Variants in LYPLAL1 observed in about 807,000 individuals in gnomAD.
LYPLAL1 encodes the protein lysophospholipase like 1.
A neutral mutation model predicts 19.7 loss-of-function variants in LYPLAL1; 23 were observed. That is an observed-to-expected ratio of 1.17 (90% CI 0.84 to 1.65). The LOEUF (loss-of-function observed/expected upper bound fraction) is 1.65. Among genes scored for constraint, LYPLAL1 ranks in the 40% most tolerant of loss-of-function variants. LYPLAL1 has a pLI of 0.00. For synonymous variants in LYPLAL1, 119 were observed against 96.3 expected (o/e 1.24, Z -1.38); for missense variants, 355 against 279.4 (o/e 1.27, Z -1.93).
the LYPLAL1 span, among the ~76,000 whole-genome samples, chr1:219,293,226 G>C: frequency 1.3e-5 from 2 of 151,834 alleles, no homozygotes; most frequent in African/African-American, 4.8e-5. Context: ...ACAGAGTTTT[G>C]ACATTTCTGG....
the LYPLAL1 span, among the ~76,000 whole-genome samples, chr1:219,392,349 G>A: frequency 6.6e-6 from 1 of 152,152 alleles, no homozygotes; most frequent in African/African-American, 2.4e-5. Context: ...TACTACAGTA[G>A]GCAAAATCCA....
the LYPLAL1 span, among the ~76,000 whole-genome samples, chr1:219,416,894 A>C: frequency 6.6e-6 from 1 of 152,236 alleles, no homozygotes; most frequent in East Asian, 1.9e-4. Flanking sequence ...CCAGAAAACA[A>C]GTCCTGCTGG....
the LYPLAL1 span, among the ~76,000 whole-genome samples, chr1:219,267,667 G>T: frequency 6.6e-6 from 1 of 152,134 alleles, no homozygotes; most frequent in South Asian, 2.1e-4. Flanking sequence ...CTAAATATTT[G>T]TTCCCATTTT....
chr1:219,323,029 G>A, the LYPLAL1 span, among the ~76,000 whole-genome samples: 8 of 152,276 alleles, frequency 5.3e-5, no homozygotes, highest in Non-Finnish European at 1.0e-4. Context: ...TCCAGTCCTT[G>A]TTTTGTTCAT....
At chr1:219,404,998 TA>T in the LYPLAL1 span, among the ~76,000 whole-genome samples, 1 of 152,232 alleles carries the variant, frequency 6.6e-6, no homozygotes, top group Non-Finnish European at 1.5e-5. Flanking sequence ...AAAAAATGCA[TA>T]GATAGTAACT....
At chr1:219,288,408 G>T in the LYPLAL1 span, among the ~76,000 whole-genome samples, 3 of 152,100 alleles carry the variant, frequency 2.0e-5, no homozygotes, top group Non-Finnish European at 2.9e-5. Context: ...TGACATTCTG[G>T]AAAAGGTAAA....
At chr1:219,284,866 T>A in the LYPLAL1 span, among the ~76,000 whole-genome samples, 5 of 152,166 alleles carry the variant, frequency 3.3e-5, no homozygotes, top group African/African-American at 9.7e-5. Context: ...GGTGAGACAA[T>A]GACAACAGAA....
At chr1:219,184,512 G>A (rs545866977) in intron 2 of LYPLAL1, among the ~76,000 whole-genome samples, 3 of 151,818 alleles carry the variant, frequency 2.0e-5, no homozygotes, top group Admixed American at 6.6e-5. Context: ...ATAGAAGTGA[G>A]TACTTCCTTC....
the LYPLAL1 span, among the ~76,000 whole-genome samples, chr1:219,269,862 G>A: frequency 1.3e-5 from 2 of 152,034 alleles, no homozygotes; most frequent in African/African-American, 4.8e-5. Flanking sequence ...GCCATTTTAC[G>A]TTGAAGAATG....
At chr1:219,413,630 C>T in the LYPLAL1 span, among the ~76,000 whole-genome samples, 1 of 152,184 alleles carries the variant, frequency 6.6e-6, no homozygotes, top group African/African-American at 2.4e-5. Flanking sequence ...AAGCAGCTGT[C>T]TGTTGTCATT....
At chr1:219,306,785 G>GATAC in the LYPLAL1 span, among the ~76,000 whole-genome samples, 14 of 147,910 alleles carry the variant, frequency 9.5e-5, no homozygotes, top group Admixed American at 2.7e-4. Flanking sequence ...TAGATAGATA[G>GATAC]ATACATAGAC....
chr1:219,410,496 C>A, the LYPLAL1 span, among the ~76,000 whole-genome samples: 1 of 152,226 alleles, frequency 6.6e-6, no homozygotes. Flanking sequence ...GCTGGCAGTC[C>A]TCAGAGCCCT....
the LYPLAL1 span, among the ~76,000 whole-genome samples, chr1:219,353,939 AT>A: frequency 2.0e-5 from 3 of 152,226 alleles, no homozygotes; most frequent in African/African-American, 7.2e-5. Flanking sequence ...ATAAAAAAAA[AT>A]CTCTGGAACT....
the LYPLAL1 span, among the ~76,000 whole-genome samples, chr1:219,297,157 T>A: frequency 1.3e-5 from 2 of 152,192 alleles, no homozygotes; most frequent in African/African-American, 4.8e-5. Context: ...GAGCTCACAA[T>A]TGGAAGCAAA....
At chr1:219,366,188 C>A in the LYPLAL1 span, among the ~76,000 whole-genome samples, 3 of 152,018 alleles carry the variant, frequency 2.0e-5, no homozygotes, top group Non-Finnish European at 4.4e-5. Context: ...CACTAACCTG[C>A]CCCAAGAAGA....
chr1:219,381,016 T>G, the LYPLAL1 span, among the ~76,000 whole-genome samples: 1 of 152,150 alleles, frequency 6.6e-6, no homozygotes, highest in Non-Finnish European at 1.5e-5. Context: ...CTGTAGAAGA[T>G]GAAGACATGA....
Position 219,210,659 on chromosome 1 carries a change from A to G in LYPLAL1, c.477+12A>G, listed in dbSNP as rs747287077. ...CTGCTGTTTACCAGGTAAGTTCCAGATTTAAAAAAAAATGAAAAAAATATG... is the reference window on the plus strand; with the variant it reads ...CTGCTGTTTACCAGGTAAGTTCCAGGTTTAAAAAAAAATGAAAAAAATATG... On this transcript the variant is annotated intron_variant, in intron 4 of 4. Transcript: ENST00000366928. 4 of 1,590,776 alleles carry G rather than the reference A, an allele frequency of 2.5e-6. No individual in the cohort carries two copies. The highest frequency in any genetic ancestry group is 2.7e-5 in the African/African-American group (2 of 73,248).
chr1:219,212,527 A>G lies in LYPLAL1; in HGVS notation c.*799A>G, dbSNP rs1301288907. 2.0e-5 allele frequency: 3 copies of G among 152,088 alleles called. No homozygotes were observed. The highest frequency in any genetic ancestry group is 4.8e-5 in the African/African-American group (2 of 41,434). The allele number at this position is 152,088 out of a possible 1,614,324, so 9.4% of individuals were successfully genotyped here. On this transcript the variant is annotated 3_prime_UTR_variant, in exon 5 of 5. Coordinates refer to ENST00000366928, the MANE Select transcript of LYPLAL1 (RefSeq NM_138794.5). The stretch of plus-strand genomic sequence containing the variant: ...ATGACTGAAAAATTGTATTACTTCA[A>G]TGAAAATACTATAAATAATAACATT...
the LYPLAL1 span, among the ~76,000 whole-genome samples, chr1:219,282,508 C>CAAAAA: frequency 8.7e-5 from 12 of 138,316 alleles, no homozygotes; most frequent in African/African-American, 2.7e-4. Context: ...CAATGAATGA[C>CAAAAA]AAAAAAAAAA....
Sources: allele counts gnomAD v4.1 joint callset (sites outside exome capture counted in the v4.1 genomes callset), GRCh38; gene constraint gnomAD v4.1.1; transcripts MANE v1.5; gene names NCBI Gene and HGNC (gene_info 2026-07-23, HGNC 2026-07-21).